Variants in SCMH1 observed in about 807,000 individuals in gnomAD.
The protein encoded by SCMH1 is Scm polycomb group protein homolog 1.
Under a neutral mutation model 70.8 loss-of-function variants are expected in SCMH1, and 37 were observed. The ratio of observed to expected loss-of-function variants is 0.52; its 90% CI spans 0.40 to 0.69. SCMH1 has a LOEUF of 0.69. Ranked by LOEUF, SCMH1 falls within the 30% of genes least tolerant of loss-of-function variation. The probability of loss-of-function intolerance (pLI) is 0.00; values close to 1 mark genes in which losing one functional copy is unlikely to be tolerated. For missense variants in SCMH1, 607 were observed against 827.3 expected (o/e 0.73, Z 3.27); for synonymous variants, 292 against 307.4 (o/e 0.95, Z 0.52).
chr1:41,151,799 A>G, intron 4 of SCMH1, 115 bp from the exon 5 acceptor site: 1 of 614,234 alleles, frequency 1.6e-6, no homozygotes, highest in Non-Finnish European at 2.8e-6. Context: ...CATAAAAAAT[A>G]TAATTTTTTT....
chr1:41,051,894 C>T (rs1648314265), intron 10 of SCMH1, among the ~76,000 whole-genome samples: 1 of 152,108 alleles, frequency 6.6e-6, no homozygotes, highest in African/African-American at 2.4e-5. Context: ...CAGTAGTGTA[C>T]AGTAATATCC....
At chr1:41,217,525 C>A (rs879052153) in intron 1 of SCMH1, among the ~76,000 whole-genome samples, 1 of 152,094 alleles carries the variant, frequency 6.6e-6, no homozygotes, top group African/African-American at 2.4e-5. Flanking sequence ...ATTCACAAAC[C>A]CAGTCAATCA....
chr1:41,036,239 C>T (rs988139983), intron 13 of SCMH1, among the ~76,000 whole-genome samples: 7 of 152,142 alleles, frequency 4.6e-5, no homozygotes, highest in Non-Finnish European at 7.4e-5. Context: ...AGCACTCTTC[C>T]CTGAGGATTG....
chr1:41,146,676 A>G (rs1010886420), intron 5 of SCMH1, among the ~76,000 whole-genome samples: 1 of 152,160 alleles, frequency 6.6e-6, no homozygotes, highest in South Asian at 2.1e-4. Flanking sequence ...AGAATAGGCT[A>G]TGGTCTAGGT....
intron 6 of SCMH1, among the ~76,000 whole-genome samples, chr1:41,119,152 AAATG>A (rs1387458896): frequency 6.6e-6 from 1 of 152,224 alleles, no homozygotes. Context: ...TGTATGGGTA[AAATG>A]AAAAGGGAAG....
chr1:41,152,089 C>T (rs893249742), intron 4 of SCMH1, among the ~76,000 whole-genome samples: 1 of 152,134 alleles, frequency 6.6e-6, no homozygotes, highest in African/African-American at 2.4e-5. Flanking sequence ...CAAGTGGCAG[C>T]TTTTAACACC....
chr1:41,155,074 T>G (rs996240076), intron 4 of SCMH1, among the ~76,000 whole-genome samples: 1 of 152,220 alleles, frequency 6.6e-6, no homozygotes, highest in Non-Finnish European at 1.5e-5. Context: ...AGAGGAAATG[T>G]CTAAGCTAAG....
intron 1 of SCMH1, among the ~76,000 whole-genome samples, chr1:41,197,843 G>A (rs1055195712): frequency 6.6e-6 from 1 of 152,148 alleles, no homozygotes; most frequent in South Asian, 2.1e-4. Context: ...AGTCCTAGAT[G>A]TAGTCCTCTA....
chr1:41,052,861 T>C (rs1648719117), intron 10 of SCMH1, among the ~76,000 whole-genome samples: 1 of 150,588 alleles, frequency 6.6e-6, no homozygotes, highest in Admixed American at 6.6e-5. Flanking sequence ...AGAAATGTCT[T>C]CCATCTTCCT....
At chr1:41,072,902 C>T (rs1657025309) in intron 9 of SCMH1, among the ~76,000 whole-genome samples, 1 of 151,984 alleles carries the variant, frequency 6.6e-6, no homozygotes, top group Non-Finnish European at 1.5e-5. Context: ...GGATATAAGG[C>T]TCACAGGTGA....
chr1:41,155,439 G>A (rs1286771041), intron 4 of SCMH1, among the ~76,000 whole-genome samples: 1 of 151,376 alleles, frequency 6.6e-6, no homozygotes, highest in Non-Finnish European at 1.5e-5. Context: ...AACAAACAAT[G>A]TTTTGCTCCA....
Position 41,113,240 on chromosome 1 carries a change from T to A in SCMH1, c.745+43A>T. On this transcript the variant is annotated intron_variant, in intron 8 of 14. Transcript: ENST00000337495. This position sits in a 1 kb window ranked among gnomAD's most constrained non-coding sequence, Gnocchi z 4.3. Reference sequence around the variant, plus strand: ...TGACAGCCCTGGGTAGTCTCCCTTATCATCTGGGTCCTGATTTCAAGAGCA... The same window carrying A: ...TGACAGCCCTGGGTAGTCTCCCTTAACATCTGGGTCCTGATTTCAAGAGCA... 1 of 1,594,480 alleles carries A rather than the reference T, an allele frequency of 6.3e-7. No homozygotes were observed. Among genetic ancestry groups the A allele is most frequent in the Non-Finnish European group, 8.5e-7 (1 of 1,171,572 alleles).
chr1:41,161,359 C>T lies in SCMH1; in HGVS notation c.82+5G>A. 6.5e-7 allele frequency: 1 copy of T among 1,549,354 alleles called. No homozygotes were observed. The highest frequency in any genetic ancestry group is 8.7e-7 in the Non-Finnish European group (1 of 1,146,662). On this transcript the variant is annotated splice_donor_5th_base_variant and intron_variant, in intron 3 of 14. Transcript: ENST00000337495. ...CCACACCAAACGGAGTTTTTTCCCC[C>T]TTACCTTGATATTGGGATGCAGACT...
chr1:41,100,125 A>G (rs986550146), intron 8 of SCMH1, among the ~76,000 whole-genome samples: 2 of 152,194 alleles, frequency 1.3e-5, no homozygotes, highest in African/African-American at 4.8e-5. Context: ...TATACAGCAA[A>G]TACTGTATTT....
Position 41,113,782 on chromosome 1 carries a change from C to T in SCMH1, c.502-256G>A, listed in dbSNP as rs1270645209. On this transcript the variant is annotated intron_variant, in intron 7 of 14. Coordinates refer to ENST00000337495, the Ensembl canonical transcript of SCMH1. This position sits in a 1 kb window ranked among gnomAD's most constrained non-coding sequence, Gnocchi z 4.3. ...AAGGTTGCAGATAAAGTTGAATCTC[C>T]CTTTCTGCCCTTCCCATATTCCATT... Among the ~76,000 whole-genome samples, 1 of 151,998 alleles carries T rather than the reference C, an allele frequency of 6.6e-6. No individual in the cohort carries two copies. The highest frequency in any genetic ancestry group is 1.5e-5 in the Non-Finnish European group (1 of 67,994).
chr1:41,194,665 T>G (rs1326003154), intron 1 of SCMH1, among the ~76,000 whole-genome samples: 1 of 152,198 alleles, frequency 6.6e-6, no homozygotes, highest in African/African-American at 2.4e-5. Context: ...ACTAGAATGT[T>G]AATTTATTAA....
chr1:41,053,895 A>C (rs2148739295), intron 10 of SCMH1, among the ~76,000 whole-genome samples: 1 of 151,220 alleles, frequency 6.6e-6, no homozygotes, highest in South Asian at 2.1e-4. Context: ...CCCAGGCTGG[A>C]GTGCATTGGC....
In SCMH1 at chr1:41,106,824, G is replaced by A. The variant is rs973854542; in HGVS notation, c.745+6459C>T. Among the ~76,000 whole-genome samples the A allele has an allele frequency of 7.9e-5, 12 of 151,804 alleles. 1 individual carries two copies. In the South Asian group the frequency reaches 2.5e-3, roughly 32 times the overall value. The stretch of plus-strand genomic sequence containing the variant: ...CCTGCCTCAGCCTCCCGAGTAGCAG[G>A]GACTGCAGACGTCAGCCACCACACC... On this transcript the variant is annotated intron_variant, in intron 8 of 14. Coordinates refer to ENST00000337495, the Ensembl canonical transcript of SCMH1.
intron 2 of SCMH1, among the ~76,000 whole-genome samples, chr1:41,168,063 C>G (rs899171870): frequency 6.6e-6 from 1 of 152,052 alleles, no homozygotes; most frequent in Non-Finnish European, 1.5e-5. Context: ...TCAACTCTCT[C>G]TAACTTAGAA....
Sources: allele counts gnomAD v4.1 joint callset (sites outside exome capture counted in the v4.1 genomes callset), GRCh38; gene constraint gnomAD v4.1.1; non-coding constraint Gnocchi (gnomAD v3.1); transcripts MANE v1.5; gene names NCBI Gene and HGNC (gene_info 2026-07-23, HGNC 2026-07-21).